The following MORC1 variants were observed in gnomAD, a reference collection of about 807,000 sequenced individuals.
MORC1 encodes the protein MORC family CW-type zinc finger 1, also known as MORC family CW-type zinc finger protein 1.
MORC1 carries 59 observed loss-of-function variants against 134.9 expected under a neutral mutation model. The observed-to-expected ratio is 0.44, with a 90% CI of 0.35 to 0.54. MORC1 has a LOEUF of 0.54. Ranked by LOEUF, MORC1 falls within the 20% of genes least tolerant of loss-of-function variation. The pLI is 0.00. For synonymous variants in MORC1, 395 were observed against 391.7 expected, an observed-to-expected ratio of 1.01 and a Z score of -0.10; for missense variants, 947 against 1,134.5, an observed-to-expected ratio of 0.83 and a Z score of 2.37.
intron 17 of MORC1, among the ~76,000 whole-genome samples, chr3:109,021,132 G>C (rs1391545566): frequency 6.6e-6 from 1 of 152,130 alleles, no homozygotes; most frequent in African/African-American, 2.4e-5. Flanking sequence ...GGAAGCCAAA[G>C]ACTTGTATCT....
At chr3:109,069,408 G>T (rs111868443) in intron 9 of MORC1, among the ~76,000 whole-genome samples, 9 of 152,170 alleles carry the variant, frequency 5.9e-5, no homozygotes, top group Non-Finnish European at 1.2e-4. Context: ...TACTCGGGGT[G>T]ATGATCTAAC....
At chr3:109,009,765 T>C (rs1228190145) in intron 17 of MORC1, among the ~76,000 whole-genome samples, 1 of 152,176 alleles carries the variant, frequency 6.6e-6, no homozygotes, top group Non-Finnish European at 1.5e-5. Flanking sequence ...ATATATGTCT[T>C]ACTGTTGACT....
At chr3:108,967,779 T>A (rs578159094) in intron 26 of MORC1, among the ~76,000 whole-genome samples, 9 of 151,858 alleles carry the variant, frequency 5.9e-5, no homozygotes, top group African/African-American at 9.7e-5. Context: ...CTGGAACCCA[T>A]GAGTTCAAGA....
chr3:108,986,743 A>T (rs1427054174), intron 22 of MORC1, 137 bp downstream of exon 22: 1 of 610,154 alleles, frequency 1.6e-6, no homozygotes, highest in African/African-American at 1.9e-5. Flanking sequence ...TCTCACTTCT[A>T]GAACAACAAA....
rs374938515 is a variant in MORC1 at position 108,979,704 on chromosome 3, G to A, written c.2325-37C>T. On this transcript the variant is annotated intron_variant, in intron 23 of 27. Transcript: ENST00000232603. ...CATTTCAAAGTAGAAATCATGTTAG[G>A]TATTAATAATTTCAGAAACACTAAT... 1.8e-5 allele frequency: 28 copies of A among 1,598,890 alleles called. No homozygotes were observed. In the African/African-American group the frequency reaches 3.2e-4, roughly 18 times the overall value.
chr3:109,032,882 A>G (rs1471875744), intron 15 of MORC1, 57 bp from the exon 16 acceptor site: 1 of 1,142,576 alleles, frequency 8.8e-7, no homozygotes, highest in Non-Finnish European at 1.3e-6. Flanking sequence ...CTATCATAGT[A>G]AGATGTCAGT....
At chr3:109,102,700 G>A (rs1019946486) in intron 4 of MORC1, among the ~76,000 whole-genome samples, 1 of 152,132 alleles carries the variant, frequency 6.6e-6, no homozygotes, top group Admixed American at 6.5e-5. Context: ...CATATAAAAA[G>A]AGTTGCTTCT....
At chr3:109,046,617 C>T (rs1949702288) in intron 14 of MORC1, among the ~76,000 whole-genome samples, 1 of 152,068 alleles carries the variant, frequency 6.6e-6, no homozygotes, top group Non-Finnish European at 1.5e-5. Context: ...AACTAATGCT[C>T]CTAAAAGCCT....
intron 12 of MORC1, among the ~76,000 whole-genome samples, chr3:109,059,273 G>C (rs1041021969): frequency 6.6e-6 from 1 of 152,080 alleles, no homozygotes; most frequent in Non-Finnish European, 1.5e-5. Flanking sequence ...CAGCATTTGA[G>C]TTGGAGAGCA....
At chr3:108,980,380 C>T (rs953460486) in intron 23 of MORC1, among the ~76,000 whole-genome samples, 1 of 152,124 alleles carries the variant, frequency 6.6e-6, no homozygotes, top group African/African-American at 2.4e-5. Flanking sequence ...GCCACCTTTA[C>T]AACCTATTTC....
intron 12 of MORC1, among the ~76,000 whole-genome samples, 179 bp downstream of exon 12, chr3:109,059,627 A>T (rs947594134): frequency 6.6e-6 from 1 of 152,150 alleles, no homozygotes; most frequent in Non-Finnish European, 1.5e-5. Context: ...ATACTTTATC[A>T]ATGTTTTACA....
intron 17 of MORC1, among the ~76,000 whole-genome samples, chr3:109,022,881 G>A (rs1281018324): frequency 6.6e-6 from 1 of 152,168 alleles, no homozygotes. Context: ...AAAGCATATA[G>A]TCTGATATGG....
chr3:109,102,883 G>C (rs1019884419), intron 4 of MORC1, among the ~76,000 whole-genome samples: 4 of 152,140 alleles, frequency 2.6e-5, no homozygotes, highest in African/African-American at 9.6e-5. Flanking sequence ...AAAAGACCAA[G>C]AATACTTTTA....
At chr3:109,035,556 T>C (rs1242936580) in intron 14 of MORC1, 88 bp from the exon 15 acceptor site, 2 of 756,548 alleles carry the variant, frequency 2.6e-6, no homozygotes, top group Non-Finnish European at 4.1e-6. Context: ...ATATACAATA[T>C]GATCTCAACT....
In MORC1 at chr3:108,969,742, T is replaced by C. The variant is rs181217018; in HGVS notation, c.2551-20A>G. The C allele has an allele frequency of 2.1e-4, 344 of 1,608,814 alleles. No homozygotes were observed. In the African/African-American group the frequency reaches 3.5e-3, roughly 16 times the overall value. ...CTCCAGCTGTTTTCATAAATGATAATAGAACAGGATATTAGCTTTTAGAGA... is the reference window on the plus strand; with the variant it reads ...CTCCAGCTGTTTTCATAAATGATAACAGAACAGGATATTAGCTTTTAGAGA... On this transcript the variant is annotated intron_variant, in intron 25 of 27. Transcript: ENST00000232603.
chr3:109,003,763 G>C (rs146366180), intron 20 of MORC1, among the ~76,000 whole-genome samples: 80 of 152,228 alleles, frequency 5.3e-4, no homozygotes, highest in Non-Finnish European at 9.6e-4. Context: ...GATTCAGCTT[G>C]GCTCATATAG....
intron 14 of MORC1, among the ~76,000 whole-genome samples, chr3:109,052,226 A>G (rs1219680867): frequency 6.6e-6 from 1 of 152,194 alleles, no homozygotes; most frequent in Non-Finnish European, 1.5e-5. Flanking sequence ...CTTGCCAAAC[A>G]ATGTAATGAG....
At chr3:109,052,111 T>C (rs148130018) in intron 14 of MORC1, among the ~76,000 whole-genome samples, 176 of 152,328 alleles carry the variant, frequency 1.2e-3, no homozygotes, top group African/African-American at 4.1e-3. Flanking sequence ...TTTTGTACCA[T>C]GTCATACTAG....
intron 17 of MORC1, among the ~76,000 whole-genome samples, chr3:109,019,531 T>G (rs1948906065): frequency 1.3e-5 from 2 of 152,174 alleles, no homozygotes; most frequent in African/African-American, 4.8e-5. Flanking sequence ...CTTACATTGT[T>G]TACGTCACGT....
Sources: allele counts gnomAD v4.1 joint callset (sites outside exome capture counted in the v4.1 genomes callset), GRCh38; gene constraint gnomAD v4.1.1; transcripts MANE v1.5; gene names NCBI Gene and HGNC (gene_info 2026-07-23, HGNC 2026-07-21).